Variants in CCBE1 observed in about 807,000 individuals in gnomAD.
CCBE1 encodes collagen and calcium binding EGF domains 1.
A neutral mutation model predicts 50.0 loss-of-function variants in CCBE1; 37 were observed. The ratio of observed to expected loss-of-function variants is 0.74; its 90% confidence interval spans 0.57 to 0.97. The LOEUF (loss-of-function observed/expected upper bound fraction) is 0.97. Ranked by LOEUF, CCBE1 falls within the 50% of genes least tolerant of loss-of-function variation. CCBE1 has a pLI of 0.00. For missense variants in CCBE1, 538 were observed against 523.8 expected, an observed-to-expected ratio of 1.03 and a Z score of -0.26; for synonymous variants, 234 against 203.7, an observed-to-expected ratio of 1.15 and a Z score of -1.27.
chr18:59,447,915 G>A (rs532923981), intron 7 of CCBE1, 68 bp downstream of exon 7: 1 of 1,609,400 alleles, frequency 6.2e-7, no homozygotes, highest in African/African-American at 1.3e-5. Context: ...CCAGGCCCCA[G>A]CAAATGTGAG....
chr18:59,694,312 G>A (rs1285944655), intron 2 of CCBE1, among the ~76,000 whole-genome samples: 1 of 152,130 alleles, frequency 6.6e-6, no homozygotes, highest in African/African-American at 2.4e-5. Flanking sequence ...TCCATCATCA[G>A]TAATGCTGTA....
rs1439365253 is a variant in CCBE1 at position 59,480,142 on chromosome 18, T to G, written c.265+44A>C. The stretch of plus-strand genomic sequence containing the variant: ...CTGAAGTTGATAGACTTTGAATGAT[T>G]AGTTGTGAATAAAGTCAGACAATAT... On this transcript the variant is annotated intron_variant, in intron 3 of 10. Transcript: ENST00000439986. The G allele has an allele frequency of 8.6e-6, 10 of 1,167,682 alleles. No individual in the cohort carries two copies. The African/African-American group carries it at 1.5e-4, about 18-fold the overall frequency. The allele number at this position is 1,167,682 out of a possible 1,614,324, so 72.3% of individuals were successfully genotyped here. A position where few individuals can be genotyped will look rare whatever the true frequency, so the allele number is the denominator to read the frequency against.
chr18:59,676,471 C>G (rs1284448975), intron 2 of CCBE1, among the ~76,000 whole-genome samples: 2 of 152,158 alleles, frequency 1.3e-5, no homozygotes, highest in East Asian at 1.9e-4. Flanking sequence ...ATGCTATCTT[C>G]TTATATATAA....
intron 2 of CCBE1, among the ~76,000 whole-genome samples, chr18:59,581,063 G>A (rs1037472477): frequency 1.1e-4 from 17 of 152,166 alleles, no homozygotes; most frequent in African/African-American, 4.1e-4. Flanking sequence ...CATACCGCTT[G>A]ACACTGAGGG....
intron 2 of CCBE1, among the ~76,000 whole-genome samples, chr18:59,558,590 G>A (rs546887743): frequency 6.6e-6 from 1 of 152,320 alleles, no homozygotes; most frequent in East Asian, 1.9e-4. Flanking sequence ...AGGTATAACT[G>A]CCCTGCTGAT....
rs1334428963 is a variant in CCBE1 at position 59,435,773 on chromosome 18, G to A, written c.*135C>T. ...TAGCATCGTATTTGGAAGAAGAGGA[G>A]TGGAGAGACGTCAGGAGAAGAGAAG... On this transcript the variant is annotated 3_prime_UTR_variant, in exon 11 of 11. Coordinates refer to ENST00000439986, the MANE Select transcript of CCBE1 (RefSeq NM_133459.4). The A allele has an allele frequency of 2.4e-6, 2 of 824,886 alleles. No individual in the cohort carries two copies. Among genetic ancestry groups the A allele is most frequent in the Non-Finnish European group, 4.3e-6 (2 of 469,906 alleles). The allele number at this position is 824,886 out of a possible 1,614,324, so 51.1% of individuals were successfully genotyped here.
At chr18:59,689,866 T>C (rs1054248503) in intron 2 of CCBE1, among the ~76,000 whole-genome samples, 1 of 152,212 alleles carries the variant, frequency 6.6e-6, no homozygotes, top group African/African-American at 2.4e-5. Context: ...CTAGCGCCTC[T>C]GCAGAAAACC....
At chr18:59,671,273 T>C (rs2054425759) in intron 2 of CCBE1, among the ~76,000 whole-genome samples, 1 of 151,958 alleles carries the variant, frequency 6.6e-6, no homozygotes, top group Non-Finnish European at 1.5e-5. Context: ...CAGCCAAGAC[T>C]GGCAGATCAC....
intron 2 of CCBE1, among the ~76,000 whole-genome samples, chr18:59,550,197 G>A (rs1230011031): frequency 6.6e-6 from 1 of 152,116 alleles, no homozygotes; most frequent in African/African-American, 2.4e-5. Context: ...CTCTTGGTGG[G>A]CAAGCTTCCT....
chr18:59,527,567 G>A lies in CCBE1; in HGVS notation c.213-47329C>T, dbSNP rs553532248. On this transcript the variant is annotated intron_variant, in intron 2 of 10. Transcript: ENST00000439986. ...CTGGTTATTTTGCAGACTTGTTGAC[G>A]TAGTTGCTTCACAGTGTCATTGGTC... is the stretch of plus-strand genomic sequence containing the variant. Among the ~76,000 whole-genome samples, 14 of 152,216 alleles carry A rather than the reference G, an allele frequency of 9.2e-5. No individual in the cohort carries two copies. The East Asian group carries it at 1.5e-3, about 17-fold the overall frequency.
chr18:59,448,384 A>G (rs1910781412), intron 6 of CCBE1, among the ~76,000 whole-genome samples: 2 of 152,182 alleles, frequency 1.3e-5, no homozygotes, highest in South Asian at 2.1e-4. Context: ...ACCATAATTA[A>G]TGGGATCTAC....
intron 10 of CCBE1, 71 bp from the exon 11 acceptor site, chr18:59,436,212 C>T: frequency 7.3e-7 from 1 of 1,368,830 alleles, no homozygotes; most frequent in East Asian, 2.3e-5. Flanking sequence ...CATGACTTGA[C>T]CTGCTGCTTG....
At chr18:59,543,847 A>AAAAAAAAAAAAAAAAAAAG (rs1915576051) in intron 2 of CCBE1, among the ~76,000 whole-genome samples, 1 of 78,536 alleles carries the variant, frequency 1.3e-5, no homozygotes, top group African/African-American at 4.6e-5. Context: ...AAAAAAAAAA[A>AAAAAAAAAAAAAAAAAAAG]AAAAAAAAAA....
chr18:59,631,493 A>C (rs1050504201), intron 2 of CCBE1, among the ~76,000 whole-genome samples: 1 of 152,194 alleles, frequency 6.6e-6, no homozygotes, highest in Non-Finnish European at 1.5e-5. Flanking sequence ...AACACTCCAA[A>C]AGATTAAAAG....
intron 2 of CCBE1, among the ~76,000 whole-genome samples, chr18:59,647,491 T>A (rs1388581373): frequency 6.6e-6 from 1 of 152,256 alleles, no homozygotes; most frequent in Non-Finnish European, 1.5e-5. Context: ...CAGATTTTTT[T>A]CTGCTTTTGT....
intron 2 of CCBE1, among the ~76,000 whole-genome samples, chr18:59,629,992 G>T (rs980487851): frequency 4.6e-5 from 7 of 152,204 alleles, no homozygotes; most frequent in African/African-American, 1.4e-4. Flanking sequence ...GGAAAAGAAA[G>T]TTTCCAGAAA....
rs1909948209 is a variant in CCBE1 at position 59,431,569 on chromosome 18, T to C, written c.*4339A>G. Reference sequence around the variant, plus strand: ...GTTGCTACCTGAAAACCTACAGAAATGTCTGGCCTGGAGAAGCCCTCCCTT... The same window carrying C: ...GTTGCTACCTGAAAACCTACAGAAACGTCTGGCCTGGAGAAGCCCTCCCTT... On this transcript the variant is annotated 3_prime_UTR_variant, in exon 11 of 11. Coordinates refer to ENST00000439986, the MANE Select transcript of CCBE1 (RefSeq NM_133459.4). 6.6e-6 allele frequency: 1 copy of C among 152,164 alleles called. No homozygotes were observed. The highest frequency in any genetic ancestry group is 2.1e-4 in the South Asian group (1 of 4,826). 9.4% of individuals were successfully genotyped at this position (152,164 alleles called of 1,614,324 possible). A position where few individuals can be genotyped will look rare whatever the true frequency, so the allele number is the denominator to read the frequency against.
intron 2 of CCBE1, among the ~76,000 whole-genome samples, chr18:59,481,278 A>C (rs905530349): frequency 1.1e-4 from 16 of 152,158 alleles, no homozygotes; most frequent in African/African-American, 3.9e-4. Flanking sequence ...AAAATTATCC[A>C]ATCTGAAGGA....
At chr18:59,469,317 G>A (rs539991282) in intron 4 of CCBE1, among the ~76,000 whole-genome samples, 156 bp downstream of exon 4, 1 of 152,294 alleles carries the variant, frequency 6.6e-6, no homozygotes, top group South Asian at 2.1e-4. Context: ...ATTGGTTTTA[G>A]TAATTGTGAT....
Sources: gnomAD v4.1 joint callset for allele counts (sites outside exome capture counted in the v4.1 genomes callset) on GRCh38, gnomAD v4.1.1 for gene constraint, MANE v1.5 for transcripts, NCBI Gene and HGNC (gene_info 2026-07-23, HGNC 2026-07-21) for gene names.